The following PRKCB variants were observed in gnomAD, a reference collection of about 807,000 sequenced individuals.
PRKCB encodes protein kinase C beta.
Under a neutral mutation model 81.5 loss-of-function variants are expected in PRKCB, and 13 were observed. The ratio of observed to expected loss-of-function variants is 0.16; its 90% CI spans 0.10 to 0.25. The LOEUF is 0.25. Ranked by LOEUF, PRKCB falls within the 10% of genes least tolerant of loss-of-function variation. The pLI is 1.00. For synonymous variants in PRKCB, 335 were observed against 321.4 expected (o/e 1.04, Z -0.45); for missense variants, 509 against 875.7 (o/e 0.58, Z 5.29).
chr16:24,099,393 A>G (rs1436637158), intron 7 of PRKCB: 1 of 152,098 alleles, frequency 6.6e-6, no homozygotes, highest in African/African-American at 2.4e-5. Flanking sequence ...AAATATTTTA[A>G]AGAAGTTTAT....
At chr16:24,060,687 G>A (rs1965960994) in intron 5 of PRKCB, among the ~76,000 whole-genome samples, 1 of 152,220 alleles carries the variant, frequency 6.6e-6, no homozygotes, top group Non-Finnish European at 1.5e-5. Flanking sequence ...TCTATGATTG[G>A]TTGCTGGTGG....
intron 2 of PRKCB, among the ~76,000 whole-genome samples, chr16:23,914,835 T>G (rs960299096): frequency 3.3e-5 from 5 of 152,214 alleles, no homozygotes; most frequent in Non-Finnish European, 5.9e-5. Flanking sequence ...TGGACTGTAC[T>G]GGTGATGTCC....
chr16:23,995,596 A>G (rs946482815), intron 3 of PRKCB, among the ~76,000 whole-genome samples: 2 of 152,166 alleles, frequency 1.3e-5, no homozygotes, highest in Non-Finnish European at 2.9e-5. Context: ...ATTGCTCTTC[A>G]TTAACTGGGT....
chr16:24,017,298 C>T (rs1239757609), intron 3 of PRKCB, among the ~76,000 whole-genome samples: 1 of 152,124 alleles, frequency 6.6e-6, no homozygotes, highest in Non-Finnish European at 1.5e-5. Flanking sequence ...CATTTGCTGT[C>T]TAAACATTAA....
intron 2 of PRKCB, among the ~76,000 whole-genome samples, chr16:23,902,965 A>T (rs1963505787): frequency 7.2e-6 from 1 of 139,768 alleles, no homozygotes; most frequent in South Asian, 2.3e-4. Flanking sequence ...CATCATGTCT[A>T]CCTAATTTTT....
intron 2 of PRKCB, among the ~76,000 whole-genome samples, chr16:23,938,266 CTCAG>C (rs1195255656): frequency 7.9e-5 from 12 of 152,196 alleles, no homozygotes; most frequent in East Asian, 3.9e-4. Flanking sequence ...ATATTTGATT[CTCAG>C]TCAAACTGTC....
intron 2 of PRKCB, among the ~76,000 whole-genome samples, chr16:23,918,656 C>A (rs1963780203): frequency 6.6e-6 from 1 of 152,188 alleles, no homozygotes; most frequent in Admixed American, 6.5e-5. Flanking sequence ...CTCGGCCTCC[C>A]AAAGTGCTGG....
chr16:24,195,916 A>G (rs534663910), intron 16 of PRKCB, among the ~76,000 whole-genome samples: 26 of 152,236 alleles, frequency 1.7e-4, no homozygotes, highest in African/African-American at 6.3e-4. Context: ...TGCCTGCTTC[A>G]TCTGTGCAGA....
chr16:23,877,911 G>A (rs773630613), intron 2 of PRKCB, among the ~76,000 whole-genome samples: 4 of 150,402 alleles, frequency 2.7e-5, no homozygotes, highest in African/African-American at 9.8e-5. Context: ...TCGGCTCACC[G>A]CAACCTCCGC....
intron 16 of PRKCB, among the ~76,000 whole-genome samples, chr16:24,192,342 C>T (rs1967806636): frequency 6.6e-6 from 1 of 152,162 alleles, no homozygotes. Flanking sequence ...CTTTGAGGGG[C>T]AGAATCCTGC....
At chr16:24,021,997 A>T (rs1222949524) in intron 3 of PRKCB, among the ~76,000 whole-genome samples, 1 of 152,212 alleles carries the variant, frequency 6.6e-6, no homozygotes. Context: ...AGCTTGCCTA[A>T]TACCAGGCAT....
chr16:24,079,210 C>T (rs1001639586), intron 5 of PRKCB, among the ~76,000 whole-genome samples: 1 of 152,218 alleles, frequency 6.6e-6, no homozygotes, highest in Non-Finnish European at 1.5e-5. Flanking sequence ...TCCCATCATC[C>T]TTTGCTGACT....
intron 7 of PRKCB, among the ~76,000 whole-genome samples, chr16:24,103,754 T>C (rs1256772152): frequency 6.6e-6 from 1 of 152,220 alleles, no homozygotes; most frequent in Non-Finnish European, 1.5e-5. Flanking sequence ...TTGTCATCTT[T>C]ATGTCCATGA....
intron 5 of PRKCB, among the ~76,000 whole-genome samples, chr16:24,087,722 A>G (rs542266797): frequency 6.6e-6 from 1 of 152,346 alleles, no homozygotes; most frequent in African/African-American, 2.4e-5. Context: ...GAAAGAAAAA[A>G]CAATTAAGGA....
At chr16:23,846,856 G>T (rs1412669617) in intron 2 of PRKCB, among the ~76,000 whole-genome samples, 3 of 152,068 alleles carry the variant, frequency 2.0e-5, no homozygotes, top group Admixed American at 2.0e-4. Context: ...GGATCTGGTA[G>T]AGATGTCGCT....
intron 5 of PRKCB, among the ~76,000 whole-genome samples, chr16:24,080,442 C>G (rs367937417): frequency 2.6e-5 from 4 of 152,248 alleles, no homozygotes; most frequent in African/African-American, 9.6e-5. Context: ...TAGATTCTTA[C>G]TGGGGCAGTT....
chr16:23,969,102 G>A lies in PRKCB; in HGVS notation c.206-19406G>A, dbSNP rs1447034857. Among the ~76,000 whole-genome samples the A allele has an allele frequency of 3.3e-5, 5 of 152,042 alleles. No individual in the cohort carries two copies. The South Asian group carries it at 8.3e-4, about 25-fold the overall frequency. ...AGTGAATTGCTTGAACCTGGGAGGC[G>A]GAGGTTGCAGTGAGCTGAGATCGCG... On this transcript the variant is annotated intron_variant, in intron 2 of 16. Transcript: ENST00000643927.
chr16:24,002,792 G>T (rs1038936339), intron 3 of PRKCB, among the ~76,000 whole-genome samples: 5 of 152,134 alleles, frequency 3.3e-5, no homozygotes, highest in African/African-American at 4.8e-5. Flanking sequence ...GGTGGCCATT[G>T]TGCAGTCTAC....
chr16:23,985,327 C>T (rs1258907913), intron 2 of PRKCB, among the ~76,000 whole-genome samples: 2 of 152,100 alleles, frequency 1.3e-5, no homozygotes, highest in Non-Finnish European at 2.9e-5. Context: ...GAACTTCTGG[C>T]CTCAAGTGAT....
Sources: gnomAD v4.1 joint callset for allele counts (sites outside exome capture counted in the v4.1 genomes callset) on GRCh38, gnomAD v4.1.1 for gene constraint, MANE v1.5 for transcripts, NCBI Gene and HGNC (gene_info 2026-07-23, HGNC 2026-07-21) for gene names.